FARP1: variants seen among roughly 807,000 people sequenced by gnomAD.
FARP1 encodes FERM, ARHGEF and pleckstrin domain-containing protein 1.
FARP1 carries 52 observed loss-of-function variants against 128.8 expected under a neutral mutation model. The observed-to-expected ratio is 0.40, with a 90% confidence interval of 0.32 to 0.51. FARP1 has a LOEUF of 0.51. Among genes scored for constraint, FARP1 ranks in the 20% least tolerant of loss-of-function variants. FARP1 has a pLI of 0.45. For missense variants in FARP1, 1,333 were observed against 1,367.9 expected (o/e 0.97, Z 0.40); for synonymous variants, 580 against 551.8 (o/e 1.05, Z -0.72).
Position 98,438,763 on chromosome 13 carries a change from C to T in FARP1, c.2275-41C>T, listed in dbSNP as rs2274050. The T allele has an allele frequency of 2.5e-3, 3,959 of 1,564,574 alleles. 71 individuals carry two copies. Among genetic ancestry groups the T allele is most frequent in the East Asian group, 0.025 (1,123 of 44,616 alleles). ...ACACTGGCCGTCAGCCCTTGGGGTC[C>T]GCACGCTCGCAGCCAGCCCTCCGGT... On this transcript the variant is annotated intron_variant, in intron 19 of 26. Coordinates refer to ENST00000319562, the MANE Select transcript of FARP1 (RefSeq NM_005766.4).
chr13:98,200,050 A>G (rs767823280), intron 1 of FARP1, among the ~76,000 whole-genome samples: 6 of 152,148 alleles, frequency 3.9e-5, no homozygotes, highest in Non-Finnish European at 8.8e-5. Context: ...TATGTGCTCT[A>G]CCGAATCAGT....
chr13:98,225,675 T>A (rs1349765358), intron 2 of FARP1, among the ~76,000 whole-genome samples: 29 of 152,204 alleles, frequency 1.9e-4, no homozygotes, highest in Admixed American at 1.9e-3. Context: ...AGAAAACTGG[T>A]TCAGCAGAAA....
At position 98,151,660 on chromosome 13, in the gene FARP1, C is replaced by CTTTTTTTTTTTTTTTTTTTT. The variant is rs34250002; in HGVS notation, c.-24+8187_-24+8188insTTTTTTTTTTTTTTTTTTTT. 3.2e-3 allele frequency among the ~76,000 whole-genome samples: 221 copies of CTTTTTTTTTTTTTTTTTTTT among 69,222 alleles called. 62 individuals are homozygous for CTTTTTTTTTTTTTTTTTTTT. The highest frequency in any genetic ancestry group is 5.0e-3 in the Admixed American group (17 of 3,424). 45.4% of individuals were successfully genotyped at this position (69,222 alleles called of 152,430 possible). ...AAACCTGCCCTTATATATCTTCCATCTTTTTTTTTTTTTTTTTTTGAGACG... is the reference window on the plus strand; with the variant it reads ...AAACCTGCCCTTATATATCTTCCATCTTTTTTTTTTTTTTTTTTTTTTTTTTTTTTTTTTTTTTTGAGACG... On this transcript the variant is annotated intron_variant, in intron 1 of 26. Transcript: ENST00000319562.
intron 2 of FARP1, among the ~76,000 whole-genome samples, chr13:98,239,448 T>C (rs1466103822): frequency 6.6e-6 from 1 of 152,206 alleles, no homozygotes; most frequent in Admixed American, 6.5e-5. Flanking sequence ...ACAAAGATGT[T>C]GTTTATATTT....
At chr13:98,412,841 G>A (rs1428101006) in intron 16 of FARP1, among the ~76,000 whole-genome samples, 3 of 152,218 alleles carry the variant, frequency 2.0e-5, no homozygotes, top group Non-Finnish European at 4.4e-5. Flanking sequence ...GGAGTTGATT[G>A]TCTACTAAAC....
intron 24 of FARP1, among the ~76,000 whole-genome samples, chr13:98,443,274 G>A (rs1451683612): frequency 4.6e-5 from 7 of 152,220 alleles, no homozygotes; most frequent in Admixed American, 6.5e-5. Context: ...GTGAGCCACT[G>A]GCCAGTGGGG....
intron 2 of FARP1, among the ~76,000 whole-genome samples, chr13:98,261,780 G>A (rs1883892478): frequency 2.0e-5 from 3 of 152,042 alleles, no homozygotes; most frequent in South Asian, 2.1e-4. Flanking sequence ...TGCGTTTTGC[G>A]TTACAACCAA....
At chr13:98,147,454 G>A (rs1875654419) in intron 1 of FARP1, among the ~76,000 whole-genome samples, 1 of 151,922 alleles carries the variant, frequency 6.6e-6, no homozygotes, top group South Asian at 2.1e-4. Context: ...AGAGCCTCAG[G>A]CCACACTAGA....
At chr13:98,364,015 G>C (rs629994) in intron 3 of FARP1, among the ~76,000 whole-genome samples, 80,984 of 152,050 alleles carry the variant, frequency 0.53, 22,453 homozygotes, top group Non-Finnish European at 0.6. Context: ...GCTGGGATTA[G>C]AGGTGTCAGC....
chr13:98,426,626 C>T (rs978148617), intron 17 of FARP1, among the ~76,000 whole-genome samples: 5 of 152,328 alleles, frequency 3.3e-5, no homozygotes, highest in Non-Finnish European at 5.9e-5. Flanking sequence ...ACAAAGACCA[C>T]GGTAACATTG....
chr13:98,177,001 T>C, intron 1 of FARP1: 1 of 1,598,034 alleles, frequency 6.3e-7, no homozygotes, highest in Non-Finnish European at 8.5e-7. Context: ...GCCCCTCCTG[T>C]CGCCGTGAGC....
intron 16 of FARP1, among the ~76,000 whole-genome samples, chr13:98,417,455 G>GAA (rs869304302): frequency 0.016 from 923 of 58,324 alleles, 81 homozygotes; most frequent in Non-Finnish European, 0.022. Context: ...CCAGAGGTTT[G>GAA]AAAAAAAAAA....
At chr13:98,340,074 A>G (rs1174462369) in intron 2 of FARP1, among the ~76,000 whole-genome samples, 3 of 148,516 alleles carry the variant, frequency 2.0e-5, no homozygotes, top group Non-Finnish European at 3.0e-5. Context: ...CATCCACTGT[A>G]TATTAGTTTT....
At chr13:98,224,284 T>G (rs1229787379) in intron 2 of FARP1, among the ~76,000 whole-genome samples, 2 of 151,960 alleles carry the variant, frequency 1.3e-5, no homozygotes, top group Non-Finnish European at 2.9e-5. Context: ...TCCCAGCACT[T>G]TGGGAGGCCG....
intron 3 of FARP1, among the ~76,000 whole-genome samples, chr13:98,353,029 A>G (rs191233819): frequency 1.7e-4 from 26 of 152,260 alleles, no homozygotes; most frequent in African/African-American, 5.8e-4. Context: ...AGACTAAGCA[A>G]TTTGGGGGTG....
intron 2 of FARP1, among the ~76,000 whole-genome samples, chr13:98,251,511 C>T (rs189325971): frequency 6.6e-6 from 1 of 152,082 alleles, no homozygotes; most frequent in East Asian, 1.9e-4. Flanking sequence ...GGTGAAACCC[C>T]ACCTCTACTA....
At chr13:98,340,667 T>G (rs1431551565) in intron 2 of FARP1, 1 of 152,182 alleles carries the variant, frequency 6.6e-6, no homozygotes, top group Non-Finnish European at 1.5e-5. Context: ...TATTAATGTC[T>G]GCAGATTTTA....
chr13:98,345,103 C>T (rs766101208), intron 3 of FARP1, among the ~76,000 whole-genome samples: 2 of 152,158 alleles, frequency 1.3e-5, no homozygotes, highest in African/African-American at 2.4e-5. Context: ...GCAAGTTATG[C>T]GGAATATTGT....
At chr13:98,410,881 C>G (rs1429549945) in intron 15 of FARP1, 58 bp downstream of exon 15, 1 of 859,122 alleles carries the variant, frequency 1.2e-6, no homozygotes, top group Non-Finnish European at 1.9e-6. Context: ...AGCTAATACT[C>G]AGCTATACGG....
Sources: gnomAD v4.1 joint callset for allele counts (sites outside exome capture counted in the v4.1 genomes callset) on GRCh38, gnomAD v4.1.1 for gene constraint, MANE v1.5 for transcripts, NCBI Gene and HGNC (gene_info 2026-07-23, HGNC 2026-07-21) for gene names.